Variants in PRKCA observed in about 807,000 individuals in gnomAD.
The protein encoded by PRKCA is protein kinase C alpha type.
Under a neutral mutation model 87.0 loss-of-function variants are expected in PRKCA, and 27 were observed. The observed-to-expected ratio is 0.31, with a 90% CI of 0.23 to 0.43. The LOEUF is 0.43. Among genes scored for constraint, PRKCA ranks in the 20% least tolerant of loss-of-function variants. PRKCA has a pLI of 1.00. For missense variants in PRKCA, 518 were observed against 852.3 expected, an observed-to-expected ratio of 0.61 and a Z score of 4.88; for synonymous variants, 329 against 311.1, an observed-to-expected ratio of 1.06 and a Z score of -0.61.
intron 2 of PRKCA, among the ~76,000 whole-genome samples, chr17:66,402,908 T>C (rs183500694): frequency 4.4e-4 from 67 of 152,346 alleles, no homozygotes; most frequent in Non-Finnish European, 7.2e-4. Flanking sequence ...CAGAGTTGGA[T>C]AGAGAAAGCT....
At chr17:66,571,430 T>C (rs908762071) in intron 3 of PRKCA, among the ~76,000 whole-genome samples, 2 of 152,198 alleles carry the variant, frequency 1.3e-5, no homozygotes, top group Non-Finnish European at 2.9e-5. Context: ...CATGCCACAT[T>C]AGGAATAAGT....
intron 2 of PRKCA, among the ~76,000 whole-genome samples, chr17:66,450,921 GT>G (rs1598682999): frequency 6.6e-6 from 1 of 152,198 alleles, no homozygotes; most frequent in East Asian, 1.9e-4. Context: ...TGATGCAGGG[GT>G]TTACTGCTGA....
intron 3 of PRKCA, among the ~76,000 whole-genome samples, chr17:66,589,985 T>G (rs1213677971): frequency 1.3e-5 from 2 of 152,144 alleles, no homozygotes; most frequent in Non-Finnish European, 2.9e-5. Context: ...ATGCCGCCGG[T>G]GATCTGACGG....
chr17:66,345,983 T>C (rs1025618497), intron 2 of PRKCA, among the ~76,000 whole-genome samples: 1 of 152,140 alleles, frequency 6.6e-6, no homozygotes, highest in Non-Finnish European at 1.5e-5. Flanking sequence ...ATAATGTCCA[T>C]GAGGGCAGTG....
At chr17:66,775,302 T>G in intron 14 of PRKCA, 1 of 985,310 alleles carries the variant, frequency 1.0e-6, no homozygotes, top group Non-Finnish European at 1.2e-6. Context: ...GTCTCAGATT[T>G]CTCCGCTAAT....
intron 2 of PRKCA, among the ~76,000 whole-genome samples, chr17:66,441,416 G>T (rs547207113): frequency 9.1e-6 from 1 of 109,604 alleles, no homozygotes. Context: ...AGTGGAGGGA[G>T]ATCGTGGATC....
chr17:66,514,386 G>T (rs761640198), intron 3 of PRKCA, among the ~76,000 whole-genome samples: 1 of 151,984 alleles, frequency 6.6e-6, no homozygotes, highest in Admixed American at 6.6e-5. Context: ...ACTCTCCTTC[G>T]CCCAACAGTG....
At chr17:66,621,701 C>G (rs138094650) in intron 3 of PRKCA, among the ~76,000 whole-genome samples, 2 of 152,114 alleles carry the variant, frequency 1.3e-5, no homozygotes, top group Admixed American at 6.5e-5. Flanking sequence ...GAAAATGTCA[C>G]AGAAACCTCC....
intron 14 of PRKCA, among the ~76,000 whole-genome samples, chr17:66,781,868 G>GATATATATATAT (rs1201713784): frequency 1.3e-4 from 13 of 99,342 alleles, no homozygotes; most frequent in African/African-American, 5.0e-4. Flanking sequence ...GAGAGAGAGA[G>GATATATATATAT]ATATATATAT....
intron 16 of PRKCA, among the ~76,000 whole-genome samples, chr17:66,799,872 C>T (rs1359564213): frequency 6.6e-6 from 1 of 151,984 alleles, no homozygotes; most frequent in Non-Finnish European, 1.5e-5. Context: ...CGATGTTTCT[C>T]ACCAGGCCGA....
chr17:66,567,097 G>A (rs191643998), intron 3 of PRKCA, among the ~76,000 whole-genome samples: 34 of 152,234 alleles, frequency 2.2e-4, no homozygotes, highest in Non-Finnish European at 4.0e-4. Context: ...GGAAAAGGTC[G>A]ACCTTTCTGC....
chr17:66,475,730 C>T lies in PRKCA; in HGVS notation c.206-20471C>T, dbSNP rs577580672. Among the ~76,000 whole-genome samples, 143 of 152,234 alleles carry T rather than the reference C, an allele frequency of 9.4e-4. 1 individual carries two copies. Among genetic ancestry groups the T allele is most frequent in the African/African-American group, 3.4e-3 (141 of 41,548 alleles). ...AGGTCTTCTTGATACCTGTGTCTTA[C>T]AGATACAGCTAATTGCACATTGTAG... On this transcript the variant is annotated intron_variant, in intron 2 of 16. Coordinates refer to ENST00000413366, the MANE Select transcript of PRKCA (RefSeq NM_002737.3).
chr17:66,455,813 T>C (rs1412554287), intron 2 of PRKCA, among the ~76,000 whole-genome samples: 1 of 152,146 alleles, frequency 6.6e-6, no homozygotes, highest in Admixed American at 6.5e-5. Context: ...GCCTGTGCAG[T>C]AGGCCTAGCT....
At chr17:66,588,920 C>A (rs1367695323) in intron 3 of PRKCA, among the ~76,000 whole-genome samples, 19 of 152,140 alleles carry the variant, frequency 1.2e-4, no homozygotes, top group Admixed American at 1.2e-3. Flanking sequence ...GGATTACAGA[C>A]ATGAGCCACT....
intron 6 of PRKCA, 88 bp from the exon 7 acceptor site, chr17:66,688,214 A>T (rs566856663): frequency 8.7e-6 from 13 of 1,495,286 alleles, no homozygotes; most frequent in Non-Finnish European, 1.2e-5. Context: ...CTATTTCTTT[A>T]TCTCAGGCTC....
At chr17:66,627,260 T>C (rs979381003) in intron 3 of PRKCA, among the ~76,000 whole-genome samples, 1 of 151,846 alleles carries the variant, frequency 6.6e-6, no homozygotes, top group Admixed American at 6.6e-5. Flanking sequence ...TGCCAGTGGG[T>C]TAAGATGTAG....
intron 3 of PRKCA, among the ~76,000 whole-genome samples, chr17:66,588,082 C>T (rs1567917598): frequency 6.6e-6 from 1 of 152,086 alleles, no homozygotes; most frequent in East Asian, 1.9e-4. Context: ...AATTTACATT[C>T]CACCAGCAGT....
At chr17:66,454,872 A>G (rs1173598400) in intron 2 of PRKCA, among the ~76,000 whole-genome samples, 1 of 152,250 alleles carries the variant, frequency 6.6e-6, no homozygotes, top group African/African-American at 2.4e-5. Flanking sequence ...AGAAGCTTCT[A>G]CTGGAGATTC....
chr17:66,690,379 G>A (rs1345548717), intron 8 of PRKCA, among the ~76,000 whole-genome samples: 2 of 152,176 alleles, frequency 1.3e-5, no homozygotes, highest in Non-Finnish European at 2.9e-5. Flanking sequence ...AGCTCTGTCT[G>A]CAGGTGGCAG....
Sources: allele counts gnomAD v4.1 joint callset (sites outside exome capture counted in the v4.1 genomes callset), GRCh38; gene constraint gnomAD v4.1.1; transcripts MANE v1.5; gene names NCBI Gene and HGNC (gene_info 2026-07-23, HGNC 2026-07-21).